Variants in SMARCA2 observed in about 807,000 individuals in gnomAD.
SMARCA2 encodes the protein SWI/SNF related BAF chromatin remodeling complex subunit ATPase 2.
In SMARCA2, 61 loss-of-function variants were observed where a neutral mutation model predicts 199.8. The ratio of observed to expected loss-of-function variants is 0.31; its 90% CI spans 0.25 to 0.38. SMARCA2 has a LOEUF of 0.38. Ranked by LOEUF, SMARCA2 falls within the 10% of genes least tolerant of loss-of-function variation. The pLI is 1.00. For synonymous variants in SMARCA2, 935 were observed against 732.0 expected (o/e 1.28, Z -4.48); for missense variants, 1,344 against 2,012.2 (o/e 0.67, Z 6.35).
rs1228391028 is a variant in SMARCA2 at position 2,110,773 on chromosome 9, C to T, written c.3456+356C>T. Among the ~76,000 whole-genome samples the T allele has an allele frequency of 1.3e-5, 2 of 152,190 alleles. No homozygotes were observed. Among genetic ancestry groups the T allele is most frequent in the East Asian group, 3.9e-4 (2 of 5,192 alleles). Reference sequence around the variant, plus strand: ...AACCATCATTCATGGGACCCTTAATCTGTGTCAGCCTCTTGGGCATTTTTT... The same window carrying T: ...AACCATCATTCATGGGACCCTTAATTTGTGTCAGCCTCTTGGGCATTTTTT... On this transcript the variant is annotated intron_variant, in intron 24 of 33. Transcript: ENST00000349721. The surrounding 1 kb of genome is among the most constrained non-coding windows in gnomAD (Gnocchi z 4.8).
At chr9:2,166,032 C>T (rs1485468448) in intron 28 of SMARCA2, among the ~76,000 whole-genome samples, 1 of 152,202 alleles carries the variant, frequency 6.6e-6, no homozygotes, top group Non-Finnish European at 1.5e-5. Context: ...CCGTTTCCTA[C>T]ATTAAAAGGG....
chr9:2,140,499 C>G (rs1824409771), intron 27 of SMARCA2, among the ~76,000 whole-genome samples: 1 of 152,208 alleles, frequency 6.6e-6, no homozygotes, highest in African/African-American at 2.4e-5. Context: ...TGATGATTGA[C>G]TGTTCTGTTC....
In SMARCA2 at chr9:2,047,395, C is replaced by G. The variant is rs368952400; in HGVS notation, c.957C>G (p.Leu319=). 16 of 1,588,568 alleles carry G rather than the reference C, an allele frequency of 1.0e-5. No individual in the cohort carries two copies. In the African/African-American group the frequency reaches 2.2e-4, roughly 22 times the overall value. ...QPAPGQPSPV[L]QLQQKQSRIS... is the part of the protein sequence containing the mutation. ...CCCCGGGGCAGCCCTCGCCCGTCCT[C>G]CAGCTGCAGCAGAAGCAGAGCCGCA... Residue 319 remains leucine, a synonymous_variant, in exon 5 of 34, where the codon CTC becomes CTG. Coordinates refer to ENST00000349721, the MANE Select transcript of SMARCA2 (RefSeq NM_003070.5).
intron 27 of SMARCA2, among the ~76,000 whole-genome samples, chr9:2,130,380 T>A (rs1823890367): frequency 6.6e-6 from 1 of 152,168 alleles, no homozygotes; most frequent in Admixed American, 6.5e-5. Context: ...AGGCGATAGA[T>A]GAGAATCCCA....
chr9:2,096,530 C>T (rs754633777), intron 19 of SMARCA2, 127 bp from the exon 20 acceptor site: 54 of 650,194 alleles, frequency 8.3e-5, no homozygotes, highest in Non-Finnish European at 1.1e-4. Flanking sequence ...CCCCGCACTC[C>T]GTGAATCCAA....
rs1012551673 is a variant in SMARCA2, at chr9:2,086,499, A to T, written c.2527-330A>T. 1.3e-5 allele frequency among the ~76,000 whole-genome samples: 2 copies of T among 152,224 alleles called. No individual in the cohort carries two copies. The highest frequency in any genetic ancestry group is 4.8e-5 in the African/African-American group (2 of 41,454). ...GGGATAGCTGTCATGATAACGTATT[A>T]ATAGAAGGGGCATTGGATGGGGAGA... On this transcript the variant is annotated intron_variant, in intron 17 of 33. Transcript: ENST00000349721. The surrounding 1 kb of genome is among the most constrained non-coding windows in gnomAD (Gnocchi z 4.3).
chr9:2,086,687 A>G lies in SMARCA2; in HGVS notation c.2527-142A>G, dbSNP rs939794766. 15 of 829,432 alleles carry G rather than the reference A, an allele frequency of 1.8e-5. No homozygotes were observed. Among genetic ancestry groups the G allele is most frequent in the South Asian group, 8.1e-5 (5 of 61,506 alleles). The allele number at this position is 829,432 out of a possible 1,614,324, so 51.4% of individuals were successfully genotyped here. A position where few individuals can be genotyped will look rare whatever the true frequency, so the allele number is the denominator to read the frequency against. On this transcript the variant is annotated intron_variant, in intron 17 of 33. Coordinates refer to ENST00000349721, the MANE Select transcript of SMARCA2 (RefSeq NM_003070.5). The surrounding 1 kb of genome is among the most constrained non-coding windows in gnomAD (Gnocchi z 4.3). ...GCCTATCAGGCATGAGACATTGTTG[A>G]GATTCCCTTGTCTCAAAGGTAATCA...
chr9:2,113,753 G>A (rs1162198075), intron 24 of SMARCA2, among the ~76,000 whole-genome samples: 2 of 152,138 alleles, frequency 1.3e-5, no homozygotes, highest in African/African-American at 4.8e-5. Context: ...CATGTGCCCT[G>A]CTTCCTCACC....
chr9:2,164,277 G>T (rs971535958), intron 28 of SMARCA2, among the ~76,000 whole-genome samples: 1 of 152,174 alleles, frequency 6.6e-6, no homozygotes. Context: ...AATACAGATT[G>T]GTAGGAGATT....
At position 2,110,357 on chromosome 9, in the gene SMARCA2, C is replaced by A. The variant is rs898583646; in HGVS notation, c.3396C>A (p.Gly1132=). The part of the protein sequence containing the change: ...FLLSTRAGGL[G]LNLQAADTVV... Reference sequence around the variant, plus strand: ...TGAGCACAAGAGCTGGTGGCCTGGGCTTAAATCTTCAGGCAGCTGATACAG... The same window carrying A: ...TGAGCACAAGAGCTGGTGGCCTGGGATTAAATCTTCAGGCAGCTGATACAG... Residue 1132 remains glycine, a synonymous_variant, in exon 24 of 34, where the codon GGC becomes GGA. Transcript: ENST00000349721. The surrounding 1 kb of genome is among the most constrained non-coding windows in gnomAD (Gnocchi z 4.8). 1.9e-6 allele frequency: 3 copies of A among 1,613,688 alleles called. No individual in the cohort carries two copies. In the African/African-American group the frequency reaches 4.0e-5, roughly 22 times the overall value.
chr9:2,051,664 T>A (rs1260441393), intron 5 of SMARCA2, among the ~76,000 whole-genome samples: 2 of 152,214 alleles, frequency 1.3e-5, no homozygotes, highest in African/African-American at 2.4e-5. Flanking sequence ...CAAGGGATAG[T>A]TTGAGTTCTA....
chr9:2,015,751 C>CA (rs1218095929), intron 1 of SMARCA2, among the ~76,000 whole-genome samples: 1 of 152,216 alleles, frequency 6.6e-6, no homozygotes, highest in Non-Finnish European at 1.5e-5. Flanking sequence ...AAAATCCCAA[C>CA]AAGCCACAGC....
intron 9 of SMARCA2, among the ~76,000 whole-genome samples, chr9:2,062,466 G>A (rs756288730): frequency 3.3e-5 from 5 of 152,136 alleles, no homozygotes; most frequent in East Asian, 1.9e-4. Context: ...GATTTCTGCC[G>A]TGGTGTTAGA....
intron 27 of SMARCA2, among the ~76,000 whole-genome samples, chr9:2,127,040 A>G (rs1823727226): frequency 6.6e-6 from 1 of 152,146 alleles, no homozygotes; most frequent in African/African-American, 2.4e-5. Flanking sequence ...TCTGGATTGA[A>G]CTTTTCTACC....
intron 32 of SMARCA2, among the ~76,000 whole-genome samples, chr9:2,187,285 A>G (rs1259445277): frequency 6.6e-6 from 1 of 152,096 alleles, no homozygotes; most frequent in South Asian, 2.1e-4. Context: ...TAAATTTTAC[A>G]CCCAAGGTGC....
intron 9 of SMARCA2, among the ~76,000 whole-genome samples, chr9:2,064,961 G>A (rs1163676432): frequency 1.3e-5 from 2 of 152,226 alleles, no homozygotes; most frequent in Admixed American, 6.5e-5. Context: ...GAGGCGGGCG[G>A]ATCACGAAGT....
At chr9:2,063,348 T>C (rs996289256) in intron 9 of SMARCA2, among the ~76,000 whole-genome samples, 2 of 152,216 alleles carry the variant, frequency 1.3e-5, no homozygotes, top group Non-Finnish European at 2.9e-5. Context: ...TTTGACACTT[T>C]GGATTATCTG....
In SMARCA2 at chr9:2,032,942, A is replaced by C; in HGVS notation, c.226-10A>C. The C allele has an allele frequency of 1.2e-6, 2 of 1,612,798 alleles. No homozygotes were observed. The highest frequency in any genetic ancestry group is 1.7e-6 in the Non-Finnish European group (2 of 1,179,218). On this transcript the variant is annotated splice_polypyrimidine_tract_variant and intron_variant, in intron 2 of 33. Transcript: ENST00000349721. Reference sequence around the variant, plus strand: ...AGAGGTGTCTAACTAATGTCCTTTAAATGTTTCAGCCCATCGATGGTATAC... The same window carrying C: ...AGAGGTGTCTAACTAATGTCCTTTACATGTTTCAGCCCATCGATGGTATAC...
chr9:2,035,008 CTTTATTTA>C (rs3057853), intron 3 of SMARCA2, among the ~76,000 whole-genome samples: 4,930 of 143,052 alleles, frequency 0.034, 111 homozygotes, highest in African/African-American at 0.05. Context: ...TAATATAAGC[CTTTATTTA>C]TTTATTTATT....
Sources: gnomAD v4.1 joint callset for allele counts (sites outside exome capture counted in the v4.1 genomes callset) on GRCh38, gnomAD v4.1.1 for gene constraint, Gnocchi (gnomAD v3.1) non-coding constraint, MANE v1.5 for transcripts, NCBI Gene and HGNC (gene_info 2026-07-23, HGNC 2026-07-21) for gene names.